PIGR: variants seen among roughly 807,000 people sequenced by gnomAD.
The protein encoded by PIGR is hepatocellular carcinoma associated protein TB6.
PIGR carries 22 observed loss-of-function variants against 69.5 expected under a neutral mutation model. That is an observed-to-expected ratio of 0.32 (90% confidence interval 0.23 to 0.45). PIGR has a LOEUF of 0.45. Among genes scored for constraint, PIGR ranks in the 20% least tolerant of loss-of-function variants. PIGR has a pLI of 1.00. For missense variants in PIGR, 885 were observed against 974.0 expected (o/e 0.91, Z 1.22); for synonymous variants, 413 against 407.6 (o/e 1.01, Z -0.16).
At chr1:206,931,880 G>A (rs1157644590) in intron 8 of PIGR, 78 bp from the exon 9 acceptor site, 18 of 1,535,784 alleles carry the variant, frequency 1.2e-5, no homozygotes, top group East Asian at 1.1e-4. Flanking sequence ...TTCTCTCTGG[G>A]CGGATCCACT....
Position 206,935,450 on chromosome 1 carries a change from G to C in PIGR, c.1378+36C>G. The C allele has an allele frequency of 6.5e-7, 1 of 1,535,436 alleles. No homozygotes were observed. ...TGGGGATGCTGCTGCTGGCTGGAGA[G>C]GTTTTAGAGCTTTCTCCCTCCCTGT... On this transcript the variant is annotated intron_variant, in intron 5 of 10. Coordinates refer to ENST00000356495, the MANE Select transcript of PIGR (RefSeq NM_002644.4). This position sits in a 1 kb window ranked among gnomAD's most constrained non-coding sequence, Gnocchi z 4.4.
intron 1 of PIGR, among the ~76,000 whole-genome samples, chr1:206,943,144 G>T (rs1040966605): frequency 6.6e-6 from 1 of 152,186 alleles, no homozygotes; most frequent in Admixed American, 6.5e-5. Context: ...GGAAGAAAAA[G>T]AACATAATGT....
intron 4 of PIGR, among the ~76,000 whole-genome samples, chr1:206,936,029 T>C (rs1021167578): frequency 4.0e-5 from 6 of 151,740 alleles, no homozygotes; most frequent in African/African-American, 1.5e-4. Flanking sequence ...GGGCTTGGAG[T>C]CTCCCCATCA....
At chr1:206,934,359 G>T (rs1679821415) in intron 6 of PIGR, 61 bp downstream of exon 6, 2 of 1,408,852 alleles carry the variant, frequency 1.4e-6, no homozygotes, top group African/African-American at 1.4e-5. Context: ...CTCAGGCAGG[G>T]GCCTTCAGGA....
rs375574188 is a variant in PIGR, at chr1:206,940,552, C to T, written c.-21G>A. On this transcript the variant is annotated 5_prime_UTR_variant, in exon 2 of 11. Transcript: ENST00000356495. ...AGCATTGCTGGTGGGTCCCGAGCGC[C>T]GCACCACTCAGGCCGACTTCTCCTG... is the stretch of plus-strand genomic sequence containing the variant. The T allele has an allele frequency of 4.6e-5, 71 of 1,549,232 alleles. No individual in the cohort carries two copies. Among genetic ancestry groups the T allele is most frequent in the African/African-American group, 3.0e-4 (22 of 73,082 alleles).
chr1:206,934,044 T>C (rs1048772798), intron 6 of PIGR, among the ~76,000 whole-genome samples: 1 of 152,158 alleles, frequency 6.6e-6, no homozygotes, highest in African/African-American at 2.4e-5. Context: ...GTATTTTTAG[T>C]AGAGACGAGT....
At position 206,935,811 on chromosome 1, in the gene PIGR, C is replaced by T. The variant is rs759126461; in HGVS notation, c.1053G>A (p.Thr351=). ...TCACCACAGTGGGGCTGCGGGGAAT[C>T]GTGGACTCTGGAAGCACAGACAGAG... is the stretch of plus-strand genomic sequence containing the variant. ...AWQLFVNEES[T]IPRSPTVVKG... Residue 351 remains threonine (T), a synonymous_variant, in exon 5 of 11, where the codon ACG becomes ACA. Coordinates refer to ENST00000356495, the MANE Select transcript of PIGR (RefSeq NM_002644.4). The surrounding 1 kb of genome is among the most constrained non-coding windows in gnomAD (Gnocchi z 4.4). The T allele has an allele frequency of 8.1e-6, 13 of 1,597,224 alleles. No homozygotes were observed. Among genetic ancestry groups the T allele is most frequent in the African/African-American group, 2.7e-5 (2 of 74,686 alleles).
At chr1:206,932,844 C>T in intron 7 of PIGR, 142 bp downstream of exon 7, 1 of 867,618 alleles carries the variant, frequency 1.2e-6, no homozygotes, top group Non-Finnish European at 1.8e-6. Context: ...CCATAGGACC[C>T]TCCCACATAT....
At chr1:206,931,023 T>G in intron 10 of PIGR, 1 of 985,386 alleles carries the variant, frequency 1.0e-6, no homozygotes, top group Non-Finnish European at 1.2e-6. Flanking sequence ...TGGTGGGGCT[T>G]CAAGAGAAGT....
chr1:206,936,967 G>A (rs1385726245), intron 4 of PIGR, 128 bp downstream of exon 4: 5 of 915,722 alleles, frequency 5.5e-6, no homozygotes, highest in Non-Finnish European at 7.9e-6. Flanking sequence ...CTCCAGTTCG[G>A]GGCTGGTCAT....
In PIGR at chr1:206,934,465, C is replaced by G. The variant is rs770289649; in HGVS notation, c.1660G>C (p.Glu554Gln). The G allele has an allele frequency of 1.2e-5, 19 of 1,614,092 alleles. No homozygotes were observed. In the South Asian group the frequency reaches 1.8e-4, roughly 15 times the overall value. ...ACTGCCACATAGACGGCTGCAGTCT[C>G]TCCATAGAAGTGGCCCTGCTTCACT... ...CGVKQGHFYGETAAVYVAVEE... is the reference protein window; with the variant it reads ...CGVKQGHFYGQTAAVYVAVEE... The change falls in exon 6 of 11, where the codon GAG (glutamate) becomes CAG (glutamine). Residue 554 changes from glutamate to glutamine, a missense_variant. Transcript: ENST00000356495.
chr1:206,941,151 T>C (rs1307481558), intron 1 of PIGR, among the ~76,000 whole-genome samples: 2 of 152,216 alleles, frequency 1.3e-5, no homozygotes, highest in Non-Finnish European at 1.5e-5. Context: ...ATGTGTACTA[T>C]CTCATACAGA....
intron 7 of PIGR, 36 bp from the exon 8 acceptor site, chr1:206,932,613 G>A: frequency 6.3e-7 from 1 of 1,577,956 alleles, no homozygotes; most frequent in Admixed American, 1.9e-5. Flanking sequence ...TCCCTGGAAG[G>A]GAGATCTGGG....
chr1:206,935,368 C>G lies in PIGR; in HGVS notation c.1378+118G>C, dbSNP rs1679841908. 1.2e-6 allele frequency: 1 copy of G among 810,448 alleles called. No homozygotes were observed. Among genetic ancestry groups the G allele is most frequent in the South Asian group, 1.6e-5 (1 of 61,630 alleles). 50.2% of individuals were successfully genotyped at this position (810,448 alleles called of 1,614,324 possible). On this transcript the variant is annotated intron_variant, in intron 5 of 10. Coordinates refer to ENST00000356495, the MANE Select transcript of PIGR (RefSeq NM_002644.4). The surrounding 1 kb of genome is among the most constrained non-coding windows in gnomAD (Gnocchi z 4.4). ...AATGTGACCTCTGGATAGGTGGGCT[C>G]CCTCCTGAGGTCTGGCCCATCAGGG... is the stretch of plus-strand genomic sequence containing the variant.
rs367667126 is a variant in PIGR, at chr1:206,935,862, G to C, written c.1046-44C>G. The C allele has an allele frequency of 2.7e-6, 4 of 1,476,678 alleles. No individual in the cohort carries two copies. In the Middle Eastern group the frequency reaches 6.1e-4, roughly 224 times the overall value. The allele number at this position is 1,476,678 out of a possible 1,614,324, so 91.5% of individuals were successfully genotyped here. A position where few individuals can be genotyped will look rare whatever the true frequency, so the allele number is the denominator to read the frequency against. On this transcript the variant is annotated intron_variant, in intron 4 of 10. Transcript: ENST00000356495. This position sits in a 1 kb window ranked among gnomAD's most constrained non-coding sequence, Gnocchi z 4.4. ...ATGGGATGGGAGGATGGCCACGCAGGAAGAGCCTTGCGTGGCCTGAGAAGC... is the reference window on the plus strand; with the variant it reads ...ATGGGATGGGAGGATGGCCACGCAGCAAGAGCCTTGCGTGGCCTGAGAAGC...
At chr1:206,939,533 T>C (rs1030280552) in intron 2 of PIGR, 70 bp from the exon 3 acceptor site, 37 of 1,077,122 alleles carry the variant, frequency 3.4e-5, no homozygotes, top group Non-Finnish European at 4.7e-5. Flanking sequence ...TAACCCACTA[T>C]GAGTAGATGT....
At chr1:206,945,983 G>C (rs1680098630) in intron 1 of PIGR, among the ~76,000 whole-genome samples, 1 of 152,186 alleles carries the variant, frequency 6.6e-6, no homozygotes. Context: ...AGAGAGGTTA[G>C]GTGGCTTGTC....
chr1:206,933,252 G>A, intron 6 of PIGR, 86 bp from the exon 7 acceptor site: 1 of 1,375,794 alleles, frequency 7.3e-7, no homozygotes, highest in East Asian at 2.3e-5. Flanking sequence ...GAGACTTCAT[G>A]AGGAATCACA....
intron 10 of PIGR, chr1:206,931,205 C>T (rs1008784732): frequency 1.0e-6 from 1 of 985,336 alleles, no homozygotes; most frequent in African/African-American, 1.7e-5. Context: ...ATTGTAGCTT[C>T]CCATCTTTTA....
Sources: allele counts gnomAD v4.1 joint callset (sites outside exome capture counted in the v4.1 genomes callset), GRCh38; gene constraint gnomAD v4.1.1; non-coding constraint Gnocchi (gnomAD v3.1); transcripts MANE v1.5; gene names NCBI Gene and HGNC (gene_info 2026-07-23, HGNC 2026-07-21).